PRKG1: variants seen among roughly 807,000 people sequenced by gnomAD.
The protein encoded by PRKG1 is cGMP-dependent protein kinase 1.
PRKG1 carries 35 observed loss-of-function variants against 88.1 expected under a neutral mutation model. The observed-to-expected ratio is 0.40, with a 90% CI of 0.30 to 0.53. The LOEUF (loss-of-function observed/expected upper bound fraction) is 0.53. Ranked by LOEUF, PRKG1 falls within the 20% of genes least tolerant of loss-of-function variation. The probability of loss-of-function intolerance (pLI) is 0.59; values close to 1 mark genes in which losing one functional copy is unlikely to be tolerated. For missense variants in PRKG1, 540 were observed against 839.8 expected (o/e 0.64, Z 4.41); for synonymous variants, 303 against 292.5 (o/e 1.04, Z -0.37).
chr10:52,103,174 C>T (rs12414927), intron 7 of PRKG1, among the ~76,000 whole-genome samples: 8,776 of 152,236 alleles, frequency 0.058, 473 homozygotes, highest in East Asian at 0.33. Flanking sequence ...TCCCATGCCC[C>T]CCATCCTGAC....
intron 4 of PRKG1, among the ~76,000 whole-genome samples, chr10:51,887,348 G>C (rs555020019): frequency 1.8e-4 from 27 of 152,144 alleles, no homozygotes; most frequent in African/African-American, 6.3e-4. Context: ...CCATATCTTG[G>C]CTGTAGTCAA....
intron 3 of PRKG1, among the ~76,000 whole-genome samples, chr10:51,766,862 T>C (rs1589270143): frequency 6.6e-6 from 1 of 152,206 alleles, no homozygotes; most frequent in Admixed American, 6.5e-5. Flanking sequence ...TTTTTTACTT[T>C]GTTCACTCTT....
intron 2 of PRKG1, among the ~76,000 whole-genome samples, chr10:51,322,862 T>A (rs1359124193): frequency 6.6e-6 from 1 of 152,226 alleles, no homozygotes; most frequent in African/African-American, 2.4e-5. Context: ...CTTTATAATC[T>A]TCCTAACTAC....
intron 3 of PRKG1, among the ~76,000 whole-genome samples, chr10:51,664,735 C>G (rs1840382149): frequency 6.6e-6 from 1 of 152,176 alleles, no homozygotes; most frequent in Non-Finnish European, 1.5e-5. Flanking sequence ...CCAAACCAAT[C>G]TGATCTAAAT....
At chr10:51,722,623 A>G (rs1289629011) in intron 3 of PRKG1, among the ~76,000 whole-genome samples, 3 of 152,188 alleles carry the variant, frequency 2.0e-5, no homozygotes, top group Non-Finnish European at 2.9e-5. Flanking sequence ...TTTCACCTCT[A>G]TGGCAAAGAA....
chr10:51,215,523 G>A (rs972003676), intron 2 of PRKG1, among the ~76,000 whole-genome samples: 1 of 152,104 alleles, frequency 6.6e-6, no homozygotes, highest in Admixed American at 6.6e-5. Context: ...GAAACTGAGG[G>A]GCAAGCTTGG....
intron 9 of PRKG1, among the ~76,000 whole-genome samples, chr10:52,224,926 A>G (rs1840355303): frequency 6.6e-6 from 1 of 150,830 alleles, no homozygotes; most frequent in South Asian, 2.1e-4. Flanking sequence ...GCAATTATGA[A>G]TTGTGCTGCT....
intron 3 of PRKG1, among the ~76,000 whole-genome samples, chr10:51,790,419 C>T (rs1030568924): frequency 6.6e-6 from 1 of 152,064 alleles, no homozygotes; most frequent in Non-Finnish European, 1.5e-5. Flanking sequence ...TGAGTTATTT[C>T]ACTCATATCT....
intron 4 of PRKG1, among the ~76,000 whole-genome samples, chr10:51,893,200 G>A (rs1263471184): frequency 1.3e-5 from 2 of 152,026 alleles, no homozygotes; most frequent in Non-Finnish European, 2.9e-5. Context: ...TAGCCCTTCA[G>A]TGAGTTTTTT....
chr10:52,062,398 C>T (rs1846257730), intron 6 of PRKG1, 139 bp from the exon 7 acceptor site: 4 of 462,808 alleles, frequency 8.6e-6, no homozygotes, highest in Admixed American at 4.1e-5. Flanking sequence ...TTCTTTGGTC[C>T]TTTTGGTGGT....
chr10:51,330,624 C>A (rs1027870528), intron 2 of PRKG1, among the ~76,000 whole-genome samples: 2 of 152,050 alleles, frequency 1.3e-5, no homozygotes, highest in Non-Finnish European at 2.9e-5. Flanking sequence ...TGTCAATGAC[C>A]TCTATTGCAT....
chr10:51,119,811 C>T (rs571398683), intron 1 of PRKG1, among the ~76,000 whole-genome samples: 6 of 152,006 alleles, frequency 3.9e-5, no homozygotes, highest in East Asian at 1.9e-4. Flanking sequence ...ACTTTGGATT[C>T]GTATAAAAAA....
chr10:51,082,094 T>G (rs1844126392), intron 1 of PRKG1, among the ~76,000 whole-genome samples: 1 of 151,980 alleles, frequency 6.6e-6, no homozygotes, highest in South Asian at 2.1e-4. Flanking sequence ...AACAACCCTA[T>G]GAGGAAGATT....
intron 8 of PRKG1, among the ~76,000 whole-genome samples, chr10:52,134,734 G>A (rs929126973): frequency 6.6e-6 from 1 of 152,064 alleles, no homozygotes; most frequent in African/African-American, 2.4e-5. Flanking sequence ...TGAACCTGAG[G>A]AGCCAGGTAT....
chr10:52,296,725 G>A lies in PRKG1; in HGVS notation c.*2825G>A, dbSNP rs1842390750. On this transcript the variant is annotated 3_prime_UTR_variant, in exon 18 of 18. Coordinates refer to ENST00000373980, the MANE Select transcript of PRKG1 (RefSeq NM_006258.4). The stretch of plus-strand genomic sequence containing the variant: ...CACAGGAAAACTGAAACTGCCAAGG[G>A]AAGCAACATTAAAACAACTGGGATA... 6.6e-6 allele frequency: 1 copy of A among 152,022 alleles called. No homozygotes were observed. Among genetic ancestry groups the A allele is most frequent in the Non-Finnish European group, 1.5e-5 (1 of 67,954 alleles). The allele number at this position is 152,022 out of a possible 1,614,324, so 9.4% of individuals were successfully genotyped here.
chr10:51,110,747 A>T (rs1226062065), intron 1 of PRKG1, among the ~76,000 whole-genome samples: 1 of 152,104 alleles, frequency 6.6e-6, no homozygotes, highest in Non-Finnish European at 1.5e-5. Flanking sequence ...GAGAGCTGCT[A>T]AAAATTAGGA....
chr10:51,223,891 T>A (rs1207152760), intron 2 of PRKG1, among the ~76,000 whole-genome samples: 1 of 152,222 alleles, frequency 6.6e-6, no homozygotes. Context: ...TAAATATAGT[T>A]CATTTCATTG....
rs1838099526 is a variant in PRKG1 at position 52,156,397 on chromosome 10, T to A, written c.1002-5492T>A. 2.0e-5 allele frequency among the ~76,000 whole-genome samples: 3 copies of A among 152,006 alleles called. No homozygotes were observed. The South Asian group carries it at 6.2e-4, about 31-fold the overall frequency. ...TTATCTGTAATATAAGGCTCTAAAT[T>A]CCTCAAAGTTGTACTTTATTCCTTT... On this transcript the variant is annotated intron_variant, in intron 8 of 17. Coordinates refer to ENST00000373980, the MANE Select transcript of PRKG1 (RefSeq NM_006258.4).
intron 2 of PRKG1, among the ~76,000 whole-genome samples, chr10:51,462,970 C>A (rs917562482): frequency 6.6e-6 from 1 of 151,724 alleles, no homozygotes; most frequent in Admixed American, 6.6e-5. Context: ...TATAAATTAC[C>A]ACATTTGGGT....
Sources: allele counts gnomAD v4.1 joint callset (sites outside exome capture counted in the v4.1 genomes callset), GRCh38; gene constraint gnomAD v4.1.1; transcripts MANE v1.5; gene names NCBI Gene and HGNC (gene_info 2026-07-23, HGNC 2026-07-21).